Variants in CCNYL1 observed in about 807,000 individuals in gnomAD.
CCNYL1 encodes cyclin-Y-like protein 1.
A neutral mutation model predicts 44.2 loss-of-function variants in CCNYL1; 16 were observed. The ratio of observed to expected loss-of-function variants is 0.36; its 90% CI spans 0.25 to 0.55. The LOEUF is 0.55. CCNYL1 is among the 20% of genes least tolerant of loss of function. CCNYL1 has a pLI of 0.85. For synonymous variants in CCNYL1, 159 were observed against 163.2 expected (o/e 0.97, Z 0.20); for missense variants, 348 against 451.8 (o/e 0.77, Z 2.08).
intron 3 of CCNYL1, among the ~76,000 whole-genome samples, chr2:207,732,628 T>A (rs2091736807): frequency 6.6e-6 from 1 of 152,084 alleles, no homozygotes; most frequent in Admixed American, 6.6e-5. Flanking sequence ...ATTAGTATTC[T>A]GTGGTTTTAA....
At chr2:207,740,825 CAATTTA>C (rs1416844039) in intron 6 of CCNYL1, 119 bp downstream of exon 6, 14 of 659,264 alleles carry the variant, frequency 2.1e-5, no homozygotes, top group African/African-American at 9.3e-5. Flanking sequence ...AATTAGAAAA[CAATTTA>C]AATTTAAATC....
At chr2:207,722,961 GAAAAA>G (rs78215971) in intron 1 of CCNYL1, among the ~76,000 whole-genome samples, 1 of 139,704 alleles carries the variant, frequency 7.2e-6, no homozygotes, top group African/African-American at 2.6e-5. Context: ...TCTTCTCTCG[GAAAAA>G]AAAAAAAAGG....
intron 8 of CCNYL1, among the ~76,000 whole-genome samples, chr2:207,749,297 A>G (rs2091875982): frequency 6.6e-6 from 1 of 152,292 alleles, no homozygotes; most frequent in Non-Finnish European, 1.5e-5. Context: ...GCTGTTGACT[A>G]TTTGTAGTGG....
intron 1 of CCNYL1, 102 bp from the exon 2 acceptor site, chr2:207,724,698 T>C: frequency 2.4e-6 from 2 of 831,128 alleles, no homozygotes; most frequent in Non-Finnish European, 3.9e-6. Flanking sequence ...TAAAAACTTC[T>C]CTGAAGACTG....
At position 207,755,633 on chromosome 2, in the gene CCNYL1, TAGA is replaced by T. The variant is rs2091926708; in HGVS notation, c.*1938_*1940del. ...AATAAAAGGAATTGGACCCTAATTA[TAGA>T]AGGTGATATGAACAGCTGTTTTATC... is the stretch of plus-strand genomic sequence containing the variant. On this transcript the variant is annotated 3_prime_UTR_variant, in exon 10 of 10. Transcript: ENST00000295414. 6.6e-6 allele frequency: 1 copy of T among 152,200 alleles called. No homozygotes were observed. The highest frequency in any genetic ancestry group is 2.1e-4 in the South Asian group (1 of 4,826). 9.4% of individuals were successfully genotyped at this position (152,200 alleles called of 1,614,324 possible). A position where few individuals can be genotyped will look rare whatever the true frequency, so the allele number is the denominator to read the frequency against.
chr2:207,713,286 A>G (rs1193085313), intron 1 of CCNYL1, among the ~76,000 whole-genome samples: 2 of 152,182 alleles, frequency 1.3e-5, no homozygotes, highest in East Asian at 1.9e-4. Flanking sequence ...CAAAGTATAA[A>G]TTTAGACTTA....
Position 207,755,917 on chromosome 2 carries a change from TCCTC to T in CCNYL1, c.*2220_*2223del, listed in dbSNP as rs1020994459. ...AAAGCATTTCTGGGACAGGAGTACT[TCCTC>T]TATTATAGCAATGCTTCACATCATA... On this transcript the variant is annotated 3_prime_UTR_variant, in exon 10 of 10. Coordinates refer to ENST00000295414, the MANE Select transcript of CCNYL1 (RefSeq NM_001330218.2). The T allele has an allele frequency of 5.9e-5, 9 of 151,618 alleles. No homozygotes were observed. Among genetic ancestry groups the T allele is most frequent in the Non-Finnish European group, 1.3e-4 (9 of 68,022 alleles). The allele number at this position is 151,618 out of a possible 1,614,324, so 9.4% of individuals were successfully genotyped here.
At chr2:207,726,042 T>C (rs1686434303) in intron 2 of CCNYL1, among the ~76,000 whole-genome samples, 1 of 152,196 alleles carries the variant, frequency 6.6e-6, no homozygotes, top group African/African-American at 2.4e-5. Flanking sequence ...ATTTCTCAGT[T>C]TCTTTCAGAG....
intron 4 of CCNYL1, 135 bp from the exon 5 acceptor site, chr2:207,737,276 C>T: frequency 4.5e-6 from 3 of 670,544 alleles, no homozygotes; most frequent in Non-Finnish European, 7.9e-6. Flanking sequence ...GGAAAGTACC[C>T]ATATGGTACT....
At position 207,751,072 on chromosome 2, in the gene CCNYL1, A is replaced by T; in HGVS notation, c.922A>T (p.Asn308Tyr). ...LRSLADDNNL[N>Y]FLFAPLSKER... ...CTCCTTAGCAGATGACAACAACCTG[A>T]ATTTTCTATTTGCTCCTCTTAGCAA... The change falls in exon 9 of 10, where the codon AAT becomes TAT. Residue 308 changes from asparagine (N) to tyrosine (Y), a missense_variant. By Grantham distance (143) the Asn-to-Tyr change is moderately radical. This residue lies in a region of CCNYL1 where 94 missense variants were observed against 102.4 expected (regional missense o/e 0.92). Coordinates refer to ENST00000295414, the MANE Select transcript of CCNYL1 (RefSeq NM_001330218.2). The T allele has an allele frequency of 5.6e-6, 9 of 1,614,132 alleles. No homozygotes were observed. Among genetic ancestry groups the T allele is most frequent in the Non-Finnish European group, 6.8e-6 (8 of 1,180,002 alleles).
chr2:207,741,311 C>G (rs1232145176), intron 6 of CCNYL1, among the ~76,000 whole-genome samples: 2 of 152,008 alleles, frequency 1.3e-5, no homozygotes, highest in Admixed American at 6.6e-5. Context: ...ATTAGTAAGA[C>G]TTTCGAGCCT....
At chr2:207,734,905 A>C (rs2091753635) in intron 4 of CCNYL1, among the ~76,000 whole-genome samples, 1 of 152,092 alleles carries the variant, frequency 6.6e-6, no homozygotes, top group South Asian at 2.1e-4. Context: ...CACAAACTGG[A>C]CTCTGACTCT....
In CCNYL1 at chr2:207,711,915, T is replaced by C; in HGVS notation, c.19T>C (p.Cys7Arg). MGNTLT[C>R]CVSPNASPKL... ...GCTTCCCATGGGGAACACGCTGACC[T>C]GTTGCGTGTCCCCCAATGCCAGCCC... Residue 7 changes from cysteine to arginine, a missense_variant, in exon 1 of 10, where the codon TGT becomes CGT. Cys to Arg is a radical substitution (Grantham distance 180). This residue lies in a region of CCNYL1 where 209 missense variants were observed against 247.7 expected (regional missense o/e 0.84). Coordinates refer to ENST00000295414, the MANE Select transcript of CCNYL1 (RefSeq NM_001330218.2). 7.2e-7 allele frequency: 1 copy of C among 1,398,504 alleles called. No homozygotes were observed. Among genetic ancestry groups the C allele is most frequent in the Non-Finnish European group, 9.3e-7 (1 of 1,073,898 alleles). 86.6% of individuals were successfully genotyped at this position (1,398,504 alleles called of 1,614,324 possible). A position where few individuals can be genotyped will look rare whatever the true frequency, so the allele number is the denominator to read the frequency against.
chr2:207,752,035 CA>C lies in CCNYL1; in HGVS notation c.969+928del, dbSNP rs999012414. On this transcript the variant is annotated intron_variant, in intron 9 of 9. Transcript: ENST00000295414. ...AGGTGACGGAGTGAGATTGTGTCTC[CA>C]AAAAAAAAAAATTTTTTCTTTGCGA... Among the ~76,000 whole-genome samples, 494 of 143,170 alleles carry C rather than the reference CA, an allele frequency of 3.5e-3. 3 individuals are homozygous for C. The highest frequency in any genetic ancestry group is 4.3e-3 in the Non-Finnish European group (281 of 65,072). 93.9% of individuals were successfully genotyped at this position (143,170 alleles called of 152,430 possible).
chr2:207,720,984 G>T (rs2091636277), intron 1 of CCNYL1, among the ~76,000 whole-genome samples: 3 of 152,126 alleles, frequency 2.0e-5, no homozygotes, highest in Admixed American at 6.6e-5. Context: ...GGCTGGTACT[G>T]TGTGACCTCA....
Position 207,736,521 on chromosome 2 carries a change from TGCATTGTTA to T in CCNYL1, c.432-886_432-878del, listed in dbSNP as rs374258131. ...AATATTACACTTTGTAGTTTTATGC[TGCATTGTTA>T]GCACTGCTTATTTCAGGATAGCTAC... On this transcript the variant is annotated intron_variant, in intron 4 of 9. Transcript: ENST00000295414. 9.8e-4 allele frequency among the ~76,000 whole-genome samples: 150 copies of T among 152,390 alleles called. No homozygotes were observed. In the Middle Eastern group the frequency reaches 0.01, roughly 10 times the overall value.
rs572476513 is a variant in CCNYL1, at chr2:207,720,417, T to C, written c.221-4383T>C. Reference sequence around the variant, plus strand: ...ACTTTTTTTTTTTTTTTCTTTTCTCTGTATGAGACAGGGTCACAACTCTGC... The same window carrying C: ...ACTTTTTTTTTTTTTTTCTTTTCTCCGTATGAGACAGGGTCACAACTCTGC... On this transcript the variant is annotated intron_variant, in intron 1 of 9. Coordinates refer to ENST00000295414, the MANE Select transcript of CCNYL1 (RefSeq NM_001330218.2). 1.3e-3 allele frequency among the ~76,000 whole-genome samples: 204 copies of C among 151,482 alleles called. 2 individuals carry two copies. The highest frequency in any genetic ancestry group is 6.9e-3 in the South Asian group (33 of 4,786).
chr2:207,730,902 A>G (rs1377009374), intron 3 of CCNYL1, among the ~76,000 whole-genome samples: 1 of 152,206 alleles, frequency 6.6e-6, no homozygotes, highest in Non-Finnish European at 1.5e-5. Context: ...CAGGAGGGCA[A>G]GGAAATAAAT....
intron 1 of CCNYL1, among the ~76,000 whole-genome samples, chr2:207,721,606 C>T (rs1023330830): frequency 7.2e-5 from 11 of 152,018 alleles, no homozygotes; most frequent in African/African-American, 1.9e-4. Context: ...ATCATGCTTT[C>T]GAATTAAGTT....
Sources: allele counts gnomAD v4.1 joint callset (sites outside exome capture counted in the v4.1 genomes callset), GRCh38; gene constraint gnomAD v4.1.1; regional missense constraint gnomAD v4.1.1; transcripts MANE v1.5; gene names NCBI Gene and HGNC (gene_info 2026-07-23, HGNC 2026-07-21).